ADAMTS6: variants seen among roughly 807,000 people sequenced by gnomAD.
ADAMTS6 encodes ADAM metallopeptidase with thrombospondin type 1 motif 6.
A neutral mutation model predicts 144.3 loss-of-function variants in ADAMTS6; 23 were observed. The observed-to-expected ratio is 0.16, with a 90% confidence interval of 0.11 to 0.23. ADAMTS6 has a LOEUF of 0.23. Ranked by LOEUF, ADAMTS6 falls within the 10% of genes least tolerant of loss-of-function variation. The pLI is 1.00. For synonymous variants in ADAMTS6, 444 were observed against 457.5 expected, an observed-to-expected ratio of 0.97 and a Z score of 0.38; for missense variants, 999 against 1,379.6, an observed-to-expected ratio of 0.72 and a Z score of 4.37.
At chr5:65,386,204 G>A (rs764974280) in intron 7 of ADAMTS6, among the ~76,000 whole-genome samples, 1 of 151,948 alleles carries the variant, frequency 6.6e-6, no homozygotes, top group African/African-American at 2.4e-5. Context: ...GTCTAACATT[G>A]ATAATATTTC....
intron 7 of ADAMTS6, among the ~76,000 whole-genome samples, chr5:65,385,580 T>G (rs979420807): frequency 6.6e-6 from 1 of 152,186 alleles, no homozygotes; most frequent in African/African-American, 2.4e-5. Flanking sequence ...ATTATCATCA[T>G]TTTTTATTTT....
intron 24 of ADAMTS6, among the ~76,000 whole-genome samples, chr5:65,162,653 ACACACAC>A (rs2112009726): frequency 6.6e-6 from 1 of 151,692 alleles, no homozygotes; most frequent in South Asian, 2.1e-4. Context: ...ACACACACAC[ACACACAC>A]TTGCAGAGAG....
Position 65,214,889 on chromosome 5 carries a change from T to C in ADAMTS6, c.2480A>G (p.Asn827Ser), listed in dbSNP as rs1340215268. 2.5e-6 allele frequency: 4 copies of C among 1,614,056 alleles called. No homozygotes were observed. The highest frequency in any genetic ancestry group is 2.5e-6 in the Non-Finnish European group (3 of 1,180,022). Residue 827 changes from asparagine to serine, a missense_variant, in exon 20 of 25, where the codon AAT becomes AGT. Coordinates refer to ENST00000381055, the MANE Select transcript of ADAMTS6 (RefSeq NM_197941.4). The surrounding 1 kb of genome is among the most constrained non-coding windows in gnomAD (Gnocchi z 4.6). ...EQNLGIRYKF[N>S]VPITRTGSGD... ...ACTGCCAGTTCGAGTGATGGGAACA[T>C]TGAACTTATACCTAATTCCCAAATT...
chr5:65,280,810 A>G (rs1210811830), intron 11 of ADAMTS6, among the ~76,000 whole-genome samples: 2 of 152,194 alleles, frequency 1.3e-5, no homozygotes, highest in African/African-American at 4.8e-5. Flanking sequence ...TAGAAAGTCA[A>G]TTTTATAAAT....
At chr5:65,361,779 G>A (rs1379959031) in intron 7 of ADAMTS6, among the ~76,000 whole-genome samples, 1 of 151,654 alleles carries the variant, frequency 6.6e-6, no homozygotes, top group Non-Finnish European at 1.5e-5. Flanking sequence ...TGTCACCCAG[G>A]CTGGAGTGCA....
chr5:65,471,042 G>C lies in ADAMTS6; in HGVS notation c.198C>G (p.His66Gln). The C allele has an allele frequency of 6.2e-7, 1 of 1,611,816 alleles. No homozygotes were observed. Among genetic ancestry groups the C allele is most frequent in the Non-Finnish European group, 8.5e-7 (1 of 1,179,254 alleles). ...GGTCCATACTCCGTCTTCTCCTTGA[G>C]TGTTTATCATTTTTCACAGTAAAGC... is the stretch of plus-strand genomic sequence containing the variant. ...FLSFTVKNDK[H>Q]SRRRRSMDPI... Residue 66 changes from histidine (H) to glutamine (Q), a missense_variant, in exon 3 of 25, where the codon CAC becomes CAG. Coordinates refer to ENST00000381055, the MANE Select transcript of ADAMTS6 (RefSeq NM_197941.4).
chr5:65,417,988 C>T (rs1755682027), intron 7 of ADAMTS6, among the ~76,000 whole-genome samples: 1 of 152,250 alleles, frequency 6.6e-6, no homozygotes, highest in Non-Finnish European at 1.5e-5. Flanking sequence ...TATAAGGCTA[C>T]AGTAACCAAA....
intron 22 of ADAMTS6, among the ~76,000 whole-genome samples, chr5:65,181,099 G>A (rs1754322100): frequency 6.6e-6 from 1 of 152,146 alleles, no homozygotes; most frequent in African/African-American, 2.4e-5. Flanking sequence ...ATATTAAATG[G>A]TGGAGCCATT....
chr5:65,329,963 AT>A (rs1174490885), intron 8 of ADAMTS6, among the ~76,000 whole-genome samples: 5 of 152,300 alleles, frequency 3.3e-5, no homozygotes, highest in African/African-American at 1.2e-4. Flanking sequence ...TTATTAAAAA[AT>A]AAAATGAATG....
At chr5:65,159,866 A>C (rs1752648468) in intron 24 of ADAMTS6, among the ~76,000 whole-genome samples, 1 of 152,258 alleles carries the variant, frequency 6.6e-6, no homozygotes, top group African/African-American at 2.4e-5. Context: ...ATATGCACAT[A>C]TATGAAAAAG....
At chr5:65,253,112 T>A (rs1472165260) in intron 14 of ADAMTS6, among the ~76,000 whole-genome samples, 2 of 151,994 alleles carry the variant, frequency 1.3e-5, no homozygotes, top group African/African-American at 4.8e-5. Flanking sequence ...TGTCTCAAAC[T>A]CCCGGGCTCA....
chr5:65,331,825 T>TG (rs1191179940), intron 8 of ADAMTS6, among the ~76,000 whole-genome samples: 17 of 152,004 alleles, frequency 1.1e-4, no homozygotes, highest in Non-Finnish European at 7.4e-5. Flanking sequence ...TTTCCATAGA[T>TG]GAAGTTAAAA....
chr5:65,467,419 A>G (rs1199872134), intron 3 of ADAMTS6, among the ~76,000 whole-genome samples: 1 of 152,108 alleles, frequency 6.6e-6, no homozygotes, highest in Non-Finnish European at 1.5e-5. Flanking sequence ...AGGAAGGATA[A>G]AAGGAACATG....
intron 9 of ADAMTS6, among the ~76,000 whole-genome samples, chr5:65,307,601 T>A (rs537500779): frequency 3.9e-5 from 6 of 152,318 alleles, no homozygotes; most frequent in Admixed American, 3.9e-4. Context: ...ACAATTCACA[T>A]ATACAGCAAG....
At chr5:65,479,985 G>A (rs1214680305) in intron 1 of ADAMTS6, among the ~76,000 whole-genome samples, 1 of 152,160 alleles carries the variant, frequency 6.6e-6, no homozygotes, top group African/African-American at 2.4e-5. Flanking sequence ...TTTAAGCACA[G>A]AATTAACATA....
chr5:65,242,279 T>C (rs765174020), intron 14 of ADAMTS6, 73 bp from the exon 15 acceptor site: 59 of 1,121,156 alleles, frequency 5.3e-5, no homozygotes, highest in Non-Finnish European at 7.4e-5. Flanking sequence ...GTCCCTAAAA[T>C]GAACTCCATC....
intron 4 of ADAMTS6, among the ~76,000 whole-genome samples, chr5:65,457,676 G>T (rs1429669993): frequency 5.3e-5 from 8 of 151,206 alleles, no homozygotes; most frequent in Admixed American, 5.3e-4. Context: ...GCATATTATG[G>T]AAAAATGATA....
At chr5:65,297,045 C>T (rs746900430) in intron 10 of ADAMTS6, 1 of 341,706 alleles carries the variant, frequency 2.9e-6, no homozygotes, top group Non-Finnish European at 5.7e-6. Context: ...ACCAGGTTCA[C>T]CTTTCTCTAT....
At chr5:65,271,740 T>A (rs1036450001) in intron 12 of ADAMTS6, among the ~76,000 whole-genome samples, 3 of 152,172 alleles carry the variant, frequency 2.0e-5, no homozygotes, top group Non-Finnish European at 4.4e-5. Flanking sequence ...AGATTCTCCC[T>A]GTGACTCTCC....
Sources: allele counts gnomAD v4.1 joint callset (sites outside exome capture counted in the v4.1 genomes callset), GRCh38; gene constraint gnomAD v4.1.1; non-coding constraint Gnocchi (gnomAD v3.1); transcripts MANE v1.5; gene names NCBI Gene and HGNC (gene_info 2026-07-23, HGNC 2026-07-21).